NR6A1: variants seen among roughly 807,000 people sequenced by gnomAD.
NR6A1 encodes retinoic acid receptor-related testis-associated receptor.
NR6A1 carries 7 observed loss-of-function variants against 59.1 expected under a neutral mutation model. The ratio of observed to expected loss-of-function variants is 0.12; its 90% confidence interval spans 0.07 to 0.22. The LOEUF is 0.22. Ranked by LOEUF, NR6A1 falls within the 10% of genes least tolerant of loss-of-function variation. The probability of loss-of-function intolerance (pLI) is 1.00; values close to 1 mark genes in which losing one functional copy is unlikely to be tolerated. For missense variants in NR6A1, 468 were observed against 611.6 expected, an observed-to-expected ratio of 0.77 and a Z score of 2.48; for synonymous variants, 243 against 236.1, an observed-to-expected ratio of 1.03 and a Z score of -0.27.
chr9:124,646,608 T>G (rs1405316100), intron 2 of NR6A1, among the ~76,000 whole-genome samples: 4 of 152,174 alleles, frequency 2.6e-5, no homozygotes, highest in Non-Finnish European at 5.9e-5. Flanking sequence ...GAAGAATAAG[T>G]GTCTTAGGCC....
intron 2 of NR6A1, among the ~76,000 whole-genome samples, chr9:124,700,158 T>G (rs1465149020): frequency 6.7e-6 from 1 of 149,812 alleles, no homozygotes; most frequent in Non-Finnish European, 1.5e-5. Flanking sequence ...CCTCTGGACA[T>G]TTCATATAGG....
Position 124,771,276 on chromosome 9 carries a change from GC to G in NR6A1, c.-158del. ...GCCCCGAGCCGCCCGGCTCCGCGCC[GC>G]TCCGCGCCCCTCCGCGCCGCGCCCC... On this transcript the variant is annotated 5_prime_UTR_variant, in exon 1 of 10. Transcript: ENST00000487099. The G allele has an allele frequency of 2.5e-6, 1 of 401,412 alleles. No individual in the cohort carries two copies. The highest frequency in any genetic ancestry group is 4.3e-6 in the Non-Finnish European group (1 of 231,020). 24.9% of individuals were successfully genotyped at this position (401,412 alleles called of 1,614,324 possible). A position where few individuals can be genotyped will look rare whatever the true frequency, so the allele number is the denominator to read the frequency against.
chr9:124,735,854 C>T (rs1451601197), intron 1 of NR6A1, among the ~76,000 whole-genome samples: 1 of 152,190 alleles, frequency 6.6e-6, no homozygotes, highest in East Asian at 1.9e-4. Context: ...TATCACTGTT[C>T]TCACATGGTA....
intron 2 of NR6A1, among the ~76,000 whole-genome samples, chr9:124,568,238 C>T (rs563266834): frequency 1.4e-5 from 2 of 145,668 alleles, no homozygotes; most frequent in East Asian, 4.1e-4. Context: ...GTAATCCCAG[C>T]ACTTTGGGAG....
intron 2 of NR6A1, among the ~76,000 whole-genome samples, chr9:124,653,278 T>G (rs1482314275): frequency 6.6e-6 from 1 of 152,120 alleles, no homozygotes; most frequent in Non-Finnish European, 1.5e-5. Context: ...AAGTAACTTT[T>G]TTTTTTTTTT....
At chr9:124,552,593 G>A (rs979384843) in intron 3 of NR6A1, among the ~76,000 whole-genome samples, 6 of 152,148 alleles carry the variant, frequency 3.9e-5, no homozygotes, top group Non-Finnish European at 8.8e-5. Flanking sequence ...TATTAAGCAG[G>A]TACAAGCTCT....
At chr9:124,576,053 A>G (rs1834582552) in intron 2 of NR6A1, among the ~76,000 whole-genome samples, 1 of 152,202 alleles carries the variant, frequency 6.6e-6, no homozygotes, top group Admixed American at 6.5e-5. Context: ...TAGCAGGTAC[A>G]GTCAGGTAGT....
At chr9:124,739,229 A>C (rs1055156852) in intron 1 of NR6A1, among the ~76,000 whole-genome samples, 2 of 152,022 alleles carry the variant, frequency 1.3e-5, no homozygotes, top group African/African-American at 4.8e-5. Flanking sequence ...TATGGGTATG[A>C]ATTAGAATTA....
chr9:124,596,431 TTAACTC>T (rs1470318334), intron 2 of NR6A1, among the ~76,000 whole-genome samples: 6 of 152,182 alleles, frequency 3.9e-5, no homozygotes, highest in Non-Finnish European at 5.9e-5. Context: ...AGGGCTTACT[TTAACTC>T]TAGCCCTTCA....
At chr9:124,742,061 T>A (rs555183587) in intron 1 of NR6A1, among the ~76,000 whole-genome samples, 3 of 152,178 alleles carry the variant, frequency 2.0e-5, no homozygotes, top group African/African-American at 7.2e-5. Context: ...TACTTGGTAA[T>A]TTGACTTGAT....
intron 2 of NR6A1, among the ~76,000 whole-genome samples, chr9:124,657,347 C>T (rs141674558): frequency 6.6e-6 from 1 of 151,920 alleles, no homozygotes; most frequent in Non-Finnish European, 1.5e-5. Context: ...GTGAGAAAGG[C>T]AAGAAATAAA....
At chr9:124,751,416 A>AT (rs1483363203) in intron 1 of NR6A1, among the ~76,000 whole-genome samples, 1 of 152,238 alleles carries the variant, frequency 6.6e-6, no homozygotes, top group Non-Finnish European at 1.5e-5. Flanking sequence ...GATAGAGCAC[A>AT]TATGAGCTTG....
At chr9:124,740,867 C>A (rs1487793406) in intron 1 of NR6A1, among the ~76,000 whole-genome samples, 1 of 152,094 alleles carries the variant, frequency 6.6e-6, no homozygotes, top group African/African-American at 2.4e-5. Flanking sequence ...AAGATAACCC[C>A]AGCCCTGGGC....
intron 2 of NR6A1, among the ~76,000 whole-genome samples, chr9:124,652,269 C>T (rs147297018): frequency 6.6e-6 from 1 of 152,244 alleles, no homozygotes; most frequent in African/African-American, 2.4e-5. Context: ...CTAGGAATGT[C>T]CCCTCCTCAA....
In NR6A1 at chr9:124,670,218, A is replaced by T. The variant is rs1214089676; in HGVS notation, c.142+63090T>A. Among the ~76,000 whole-genome samples the T allele has an allele frequency of 2.4e-5, 3 of 122,676 alleles. No individual in the cohort carries two copies. In the East Asian group the frequency reaches 7.2e-4, roughly 29 times the overall value. The allele number at this position is 122,676 out of a possible 152,430, so 80.5% of individuals were successfully genotyped here. A position where few individuals can be genotyped will look rare whatever the true frequency, so the allele number is the denominator to read the frequency against. On this transcript the variant is annotated intron_variant, in intron 2 of 9. Transcript: ENST00000487099. ...AACATAGCAAGACCTCATCTCTGCA[A>T]AAAAAAAAAAAAAAAATCAAAAAAT... is the stretch of plus-strand genomic sequence containing the variant.
At chr9:124,608,953 T>C (rs1309506856) in intron 2 of NR6A1, among the ~76,000 whole-genome samples, 1 of 152,244 alleles carries the variant, frequency 6.6e-6, no homozygotes, top group Non-Finnish European at 1.5e-5. Context: ...TTTTGAGAAG[T>C]GTCTGTTCAT....
chr9:124,670,198 A>G (rs1240086621), intron 2 of NR6A1, among the ~76,000 whole-genome samples: 2 of 149,488 alleles, frequency 1.3e-5, no homozygotes, highest in East Asian at 2.0e-4. Context: ...CAGCCAACAT[A>G]GCAAGACCTC....
chr9:124,696,520 CTTT>C (rs10625540), intron 2 of NR6A1, among the ~76,000 whole-genome samples: 4 of 104,980 alleles, frequency 3.8e-5, no homozygotes, highest in African/African-American at 7.8e-5. Context: ...TGTTCTCTAG[CTTT>C]TTTTTTTTTT....
intron 2 of NR6A1, among the ~76,000 whole-genome samples, chr9:124,570,734 G>A (rs1407228304): frequency 6.6e-6 from 1 of 150,584 alleles, no homozygotes; most frequent in Non-Finnish European, 1.5e-5. Flanking sequence ...TACTTGGTGG[G>A]GGGTGGGGGG....
Sources: gnomAD v4.1 joint callset for allele counts (sites outside exome capture counted in the v4.1 genomes callset) on GRCh38, gnomAD v4.1.1 for gene constraint, MANE v1.5 for transcripts, NCBI Gene and HGNC (gene_info 2026-07-23, HGNC 2026-07-21) for gene names.